RGS10: variants seen among roughly 807,000 people sequenced by gnomAD.
The protein encoded by RGS10 is regulator of G protein signaling 10, also known as regulator of G-protein signalling 10.
Under a neutral mutation model 23.5 loss-of-function variants are expected in RGS10, and 11 were observed. The observed-to-expected ratio is 0.47, with a 90% CI of 0.29 to 0.77. The LOEUF (loss-of-function observed/expected upper bound fraction) is 0.77, where lower values mean the gene tolerates loss of function less well. RGS10 is among the 30% of genes least tolerant of loss of function. RGS10 has a pLI of 0.08. For missense variants in RGS10, 180 were observed against 226.3 expected (o/e 0.80, Z 1.31); for synonymous variants, 77 against 83.2 (o/e 0.92, Z 0.41).
chr10:119,504,146 C>T (rs1379666550), intron 4 of RGS10, among the ~76,000 whole-genome samples: 1 of 152,244 alleles, frequency 6.6e-6, no homozygotes, highest in East Asian at 1.9e-4. Context: ...TTTAAAAACA[C>T]ACCCTATCTA....
intron 4 of RGS10, among the ~76,000 whole-genome samples, chr10:119,509,834 G>T (rs1365815268): frequency 6.6e-6 from 1 of 152,090 alleles, no homozygotes; most frequent in African/African-American, 2.4e-5. Context: ...CAGCGGCAGG[G>T]CTGGACTAGA....
intron 4 of RGS10, among the ~76,000 whole-genome samples, chr10:119,509,945 G>T (rs997645286): frequency 2.6e-5 from 4 of 151,880 alleles, no homozygotes; most frequent in Non-Finnish European, 2.9e-5. Flanking sequence ...TGATGGGCAG[G>T]GGGAGAGGGG....
At chr10:119,500,283 T>A (rs1243922424) in intron 4 of RGS10, 24 bp from the exon 5 acceptor site, 1 of 1,598,720 alleles carries the variant, frequency 6.3e-7, no homozygotes. Flanking sequence ...GAAAAAAGAG[T>A]CTGAAGGCTG....
At position 119,515,492 on chromosome 10, in the gene RGS10, C is replaced by A; in HGVS notation, c.399+17G>T. ...GTAGGTTTTCAAATCAAGGTGCAGG[C>A]AGGGAAGTCGGGTTACCTGGTCCTG... On this transcript the variant is annotated intron_variant, in intron 4 of 4. Transcript: ENST00000369103. 1 of 1,613,850 alleles carries A rather than the reference C, an allele frequency of 6.2e-7. No individual in the cohort carries two copies. Among genetic ancestry groups the A allele is most frequent in the Non-Finnish European group, 8.5e-7 (1 of 1,179,874 alleles).
At chr10:119,542,164 G>A (rs575753102) in intron 1 of RGS10, among the ~76,000 whole-genome samples, 1 of 152,260 alleles carries the variant, frequency 6.6e-6, no homozygotes, top group South Asian at 2.1e-4. Context: ...TCGGATGCCC[G>A]GGTCCAGCCG....
chr10:119,536,411 C>T, intron 1 of RGS10: 1 of 1,566,736 alleles, frequency 6.4e-7, no homozygotes, highest in South Asian at 1.1e-5. Context: ...CCGCCCAGGG[C>T]CAAGGCGACA....
chr10:119,523,167 G>A (rs1007359983), intron 3 of RGS10, among the ~76,000 whole-genome samples: 10 of 152,008 alleles, frequency 6.6e-5, no homozygotes, highest in Non-Finnish European at 1.2e-4. Context: ...GCGAGCTGCC[G>A]CTTAACCACT....
intron 3 of RGS10, among the ~76,000 whole-genome samples, chr10:119,516,643 C>T (rs931050320): frequency 6.6e-6 from 1 of 152,208 alleles, no homozygotes; most frequent in African/African-American, 2.4e-5. Flanking sequence ...CCCTCAAGTC[C>T]CGAGTGCAGT....
intron 3 of RGS10, 104 bp downstream of exon 3, chr10:119,525,928 C>T (rs1389783796): frequency 5.3e-6 from 3 of 569,850 alleles, no homozygotes; most frequent in Admixed American, 6.4e-5. Flanking sequence ...TAAATCTTCC[C>T]CCAAAACTAA....
chr10:119,512,943 C>A (rs1042833097), intron 4 of RGS10, among the ~76,000 whole-genome samples: 1 of 152,110 alleles, frequency 6.6e-6, no homozygotes, highest in Non-Finnish European at 1.5e-5. Context: ...TAAACATATA[C>A]ATTATTATTA....
intron 4 of RGS10, 42 bp downstream of exon 4, chr10:119,515,467 G>A: frequency 1.9e-6 from 3 of 1,611,604 alleles, no homozygotes; most frequent in Non-Finnish European, 2.5e-6. Flanking sequence ...TGGAATTAAT[G>A]TAGGTTTTCA....
intron 3 of RGS10, among the ~76,000 whole-genome samples, chr10:119,520,890 T>C (rs1235360856): frequency 6.6e-6 from 1 of 151,316 alleles, no homozygotes; most frequent in African/African-American, 2.4e-5. Flanking sequence ...AGGTCATCAT[T>C]GGAAAAGAGA....
At chr10:119,535,970 A>C (rs1045032076) in intron 1 of RGS10, among the ~76,000 whole-genome samples, 1 of 152,248 alleles carries the variant, frequency 6.6e-6, no homozygotes, top group African/African-American at 2.4e-5. Flanking sequence ...TTTTTTAAAA[A>C]GTCCTCCCAA....
At chr10:119,510,863 C>G (rs1045379567) in intron 4 of RGS10, among the ~76,000 whole-genome samples, 1 of 152,022 alleles carries the variant, frequency 6.6e-6, no homozygotes, top group Non-Finnish European at 1.5e-5. Flanking sequence ...GGACTACAGG[C>G]GCCCACCACC....
At chr10:119,522,535 A>T (rs545507065) in intron 3 of RGS10, among the ~76,000 whole-genome samples, 1 of 152,258 alleles carries the variant, frequency 6.6e-6, no homozygotes, top group South Asian at 2.1e-4. Flanking sequence ...CCTCGCCAAC[A>T]TGGTGAAACC....
intron 3 of RGS10, among the ~76,000 whole-genome samples, chr10:119,523,769 C>T (rs1301490929): frequency 6.6e-6 from 1 of 152,166 alleles, no homozygotes; most frequent in Admixed American, 6.5e-5. Context: ...GCAGGGCAAC[C>T]CAACACCAGA....
chr10:119,515,009 C>A lies in RGS10; in HGVS notation c.399+500G>T, dbSNP rs1047006567. On this transcript the variant is annotated intron_variant, in intron 4 of 4. Coordinates refer to ENST00000369103, the MANE Select transcript of RGS10 (RefSeq NM_001005339.2). The stretch of plus-strand genomic sequence containing the variant: ...TGAATCAGAATTCACATGGAATATG[C>A]TGCCCAATGCTAACCTTTTCATTAT... Among the ~76,000 whole-genome samples the A allele has an allele frequency of 2.6e-5, 4 of 152,222 alleles. No individual in the cohort carries two copies. In the South Asian group the frequency reaches 8.3e-4, roughly 32 times the overall value.
chr10:119,533,354 A>G (rs1466222813), intron 1 of RGS10, among the ~76,000 whole-genome samples: 1 of 152,126 alleles, frequency 6.6e-6, no homozygotes, highest in Non-Finnish European at 1.5e-5. Context: ...TTAAAAAAAA[A>G]AAGAAAAAAA....
At chr10:119,518,662 C>T (rs963698969) in intron 3 of RGS10, among the ~76,000 whole-genome samples, 2 of 151,972 alleles carry the variant, frequency 1.3e-5, no homozygotes, top group South Asian at 2.1e-4. Flanking sequence ...TCCCCCTTGA[C>T]CCCACAGCTC....
Sources: allele counts gnomAD v4.1 joint callset (sites outside exome capture counted in the v4.1 genomes callset), GRCh38; gene constraint gnomAD v4.1.1; transcripts MANE v1.5; gene names NCBI Gene and HGNC (gene_info 2026-07-23, HGNC 2026-07-21).